The following NAT1 variants were observed in gnomAD, a reference collection of about 807,000 sequenced individuals.
NAT1 encodes the protein arylamine N-acetyltransferase 1.
For missense variants in NAT1, 400 were observed against 339.2 expected (o/e 1.18, Z -1.41); for synonymous variants, 144 against 122.6 (o/e 1.17, Z -1.16).
rs550257533 is a variant in NAT1 at position 18,181,954 on chromosome 8, G to A, written n.92+11215G>A. Among the ~76,000 whole-genome samples the A allele has an allele frequency of 2.0e-5, 3 of 152,230 alleles. No individual in the cohort carries two copies. The East Asian group carries it at 5.8e-4, about 29-fold the overall frequency. On this transcript the variant is annotated intron_variant and non_coding_transcript_variant, in intron 2 of 4. Transcript: ENST00000517441. Reference sequence around the variant, plus strand: ...GCACTGTGGGGGCTCTGCCTGTGCTGTGTTGCACCGTGGCAGGCCTGACTC... The same window carrying A: ...GCACTGTGGGGGCTCTGCCTGTGCTATGTTGCACCGTGGCAGGCCTGACTC...
chr8:18,194,952 C>T (rs1803174939), intron 2 of NAT1, among the ~76,000 whole-genome samples: 1 of 152,138 alleles, frequency 6.6e-6, no homozygotes, highest in Admixed American at 6.5e-5. Context: ...AGATGGATAC[C>T]TGCATGTTCT....
chr8:18,218,396 G>A (rs1307273384), intron 1 of NAT1, among the ~76,000 whole-genome samples: 3 of 152,152 alleles, frequency 2.0e-5, no homozygotes, highest in East Asian at 1.9e-4. Context: ...TACGGAGCAT[G>A]TCACACACAA....
chr8:18,186,074 G>A (rs977135126), intron 2 of NAT1, among the ~76,000 whole-genome samples: 2 of 152,074 alleles, frequency 1.3e-5, no homozygotes, highest in African/African-American at 4.8e-5. Context: ...GGGAACATTT[G>A]TATTTTAATG....
chr8:18,184,708 T>C (rs889442934), intron 2 of NAT1, among the ~76,000 whole-genome samples: 3 of 152,222 alleles, frequency 2.0e-5, no homozygotes, highest in African/African-American at 7.2e-5. Flanking sequence ...AAGAGGTGTT[T>C]AGGTCATGAG....
chr8:18,200,152 A>T (rs111501067), intron 2 of NAT1, among the ~76,000 whole-genome samples: 145 of 152,316 alleles, frequency 9.5e-4, no homozygotes, highest in African/African-American at 3.4e-3. Context: ...AAACAATTTA[A>T]AACAAAATGA....
At chr8:18,218,420 C>T (rs974874998) in intron 1 of NAT1, among the ~76,000 whole-genome samples, 2 of 152,050 alleles carry the variant, frequency 1.3e-5, no homozygotes, top group African/African-American at 2.4e-5. Flanking sequence ...GAGCTTGCGG[C>T]GGGGGAGCTG....
At chr8:18,170,794 T>C (rs1802067915) in intron 2 of NAT1, 1 of 152,156 alleles carries the variant, frequency 6.6e-6, no homozygotes, top group Non-Finnish European at 1.5e-5. Flanking sequence ...GGGCCTGAAT[T>C]GCTGGGTGAG....
At chr8:18,211,033 G>A (rs935685990) in intron 1 of NAT1, among the ~76,000 whole-genome samples, 2 of 152,184 alleles carry the variant, frequency 1.3e-5, no homozygotes, top group Admixed American at 1.3e-4. Context: ...TCGAACTCCT[G>A]ACCTCAAGTG....
At chr8:18,192,602 A>G (rs1331669810) in intron 2 of NAT1, among the ~76,000 whole-genome samples, 1 of 152,174 alleles carries the variant, frequency 6.6e-6, no homozygotes, top group African/African-American at 2.4e-5. Flanking sequence ...AATGTCCAAC[A>G]ATGATAGACT....
intron 2 of NAT1, among the ~76,000 whole-genome samples, chr8:18,174,090 G>T (rs1802200638): frequency 1.3e-5 from 2 of 152,168 alleles, no homozygotes; most frequent in South Asian, 4.1e-4. Flanking sequence ...GCGCCCTAGG[G>T]TCACTAAGAA....
At chr8:18,176,979 T>C (rs1802318204) in intron 2 of NAT1, among the ~76,000 whole-genome samples, 1 of 152,112 alleles carries the variant, frequency 6.6e-6, no homozygotes, top group Non-Finnish European at 1.5e-5. Context: ...GATGCTATTG[T>C]GAATGAGATT....
At chr8:18,187,226 A>G (rs1315088173) in intron 2 of NAT1, among the ~76,000 whole-genome samples, 1 of 152,232 alleles carries the variant, frequency 6.6e-6, no homozygotes, top group Admixed American at 6.5e-5. Flanking sequence ...TGTGGAGAAA[A>G]GGAAACACTT....
In NAT1 at chr8:18,212,756, G is replaced by C. The variant is rs1410727792; in HGVS notation, c.-86+2576G>C. The C allele has an allele frequency of 2.0e-5, 3 of 152,488 alleles. No homozygotes were observed. In the South Asian group the frequency reaches 6.2e-4, roughly 32 times the overall value. The allele number at this position is 152,488 out of a possible 1,614,324, so 9.4% of individuals were successfully genotyped here. ...CCAGGGGCACTGTGAGATGGTAAAA[G>C]AGATCTGAAGGGATCCAGGTAAGTT... On this transcript the variant is annotated intron_variant, in intron 1 of 2. Transcript: ENST00000307719.
intron 2 of NAT1, among the ~76,000 whole-genome samples, chr8:18,198,199 G>C (rs1803313585): frequency 6.6e-6 from 1 of 152,110 alleles, no homozygotes; most frequent in Non-Finnish European, 1.5e-5. Context: ...TCCAGAATCA[G>C]AGAAATCAAT....
intron 2 of NAT1, among the ~76,000 whole-genome samples, chr8:18,203,334 T>C (rs1803558092): frequency 6.6e-6 from 1 of 152,216 alleles, no homozygotes; most frequent in African/African-American, 2.4e-5. Context: ...ATAAAACTAG[T>C]TTTTACGTTG....
Position 18,223,126 on chromosome 8 carries a change from TAATAATAAA to T in NAT1, c.*209_*217del, listed in dbSNP as rs367921464. The T allele has an allele frequency of 0.022, 4,731 of 211,806 alleles. 122 individuals are homozygous for T. The highest frequency in any genetic ancestry group is 0.083 in the Middle Eastern group (43 of 518). 13.1% of individuals were successfully genotyped at this position (211,806 alleles called of 1,614,324 possible). ...AAACCTTTTCAAATAATAATAATAA[TAATAATAAA>T]AAATGTATTTTAAAGATGGCCTGTG... On this transcript the variant is annotated 3_prime_UTR_variant, in exon 3 of 3. Transcript: ENST00000307719.
At chr8:18,215,572 T>G (rs937031418) in intron 1 of NAT1, among the ~76,000 whole-genome samples, 1 of 152,218 alleles carries the variant, frequency 6.6e-6, no homozygotes, top group African/African-American at 2.4e-5. Context: ...TTTTAGCTGT[T>G]TTTTATTGAG....
intron 2 of NAT1, among the ~76,000 whole-genome samples, chr8:18,182,091 G>A (rs966866143): frequency 6.6e-6 from 1 of 152,150 alleles, no homozygotes; most frequent in Middle Eastern, 3.2e-3. Flanking sequence ...TTGGCAATGA[G>A]TGATTATCCT....
chr8:18,196,300 G>A lies in NAT1; in HGVS notation n.93-13481G>A, dbSNP rs1490378669. ...AATTACGAAATGTAATTAAAGTTCT[G>A]AATAAATGCCCCAAGAATAATGAGA... On this transcript the variant is annotated intron_variant and non_coding_transcript_variant, in intron 2 of 4. Transcript: ENST00000517441. Among the ~76,000 whole-genome samples, 4 of 151,674 alleles carry A rather than the reference G, an allele frequency of 2.6e-5. No homozygotes were observed. The South Asian group carries it at 6.2e-4, about 24-fold the overall frequency.
Sources: gnomAD v4.1 joint callset for allele counts (sites outside exome capture counted in the v4.1 genomes callset) on GRCh38, gnomAD v4.1.1 for gene constraint, MANE v1.5 for transcripts, NCBI Gene and HGNC (gene_info 2026-07-23, HGNC 2026-07-21) for gene names.